GDPD2: variants seen among roughly 807,000 people sequenced by gnomAD.
GDPD2 encodes glycerophosphodiester phosphodiesterase domain containing 2.
GDPD2 carries 23 observed loss-of-function variants against 49.2 expected under a neutral mutation model. That is an observed-to-expected ratio of 0.47 (90% CI 0.34 to 0.66). GDPD2 has a LOEUF of 0.66. Ranked by LOEUF, GDPD2 falls within the 30% of genes least tolerant of loss-of-function variation. GDPD2 has a pLI of 0.01. For synonymous variants in GDPD2, 167 were observed against 171.4 expected (o/e 0.97, Z 0.20); for missense variants, 338 against 424.7 (o/e 0.80, Z 1.79).
intron 10 of GDPD2, among the ~76,000 whole-genome samples, chrX:70,428,101 ACACACAC>A (rs774363698): frequency 3.8e-5 from 1 of 26,150 alleles, no homozygotes; most frequent in Non-Finnish European, 2.1e-4. Context: ...ATACACACAC[ACACACAC>A]ACACACACAC....
At position 70,429,503 on chromosome X, in the gene GDPD2, T is replaced by C; in HGVS notation, c.947T>C (p.Phe316Ser). The C allele has an allele frequency of 8.3e-7, 1 of 1,200,142 alleles. No homozygotes were observed. Residue 316 changes from phenylalanine to serine, a missense_variant, in exon 11 of 16, where the codon TTC becomes TCC. Phe to Ser is a radical substitution (Grantham distance 155). Transcript: ENST00000374382. ...TGTTCTTTCTTATAGAGGCGACCCT[T>C]CTGGGGGGCCAAACCGCTGGCAGGC... The part of the protein sequence containing the change: ...AGSWFLERRP[F>S]WGAKPLAGPD...
Position 70,425,688 on chromosome X carries a change from A to G in GDPD2, c.210-75A>G, listed in dbSNP as rs2086415045. On this transcript the variant is annotated intron_variant, in intron 3 of 15. Transcript: ENST00000374382. ...ACTCCCTTCTAGTCTTCCTGGATCC[A>G]CCCACCCCACCTCCCCTCAGGCCAC... 7.0e-5 allele frequency: 42 copies of G among 596,993 alleles called. No homozygotes were observed. The South Asian group carries it at 9.6e-4, about 14-fold the overall frequency. 49.2% of individuals were successfully genotyped at this position (596,993 alleles called of 1,213,427 possible). A position where few individuals can be genotyped will look rare whatever the true frequency, so the allele number is the denominator to read the frequency against.
rs144605417 is a variant in GDPD2 at position 70,431,040 on chromosome X, G to A, written c.1307+977G>A. On this transcript the variant is annotated intron_variant, in intron 12 of 15. Coordinates refer to ENST00000374382, the MANE Select transcript of GDPD2 (RefSeq NM_017711.4). The stretch of plus-strand genomic sequence containing the variant: ...TGGCCTCAAGCAATCTTCCTGCCTC[G>A]GCCTCCCAAAGTGCTGGGATTACAG... 3,249 of 820,271 alleles carry A rather than the reference G, an allele frequency of 4.0e-3. 63 individuals are homozygous for A. In the African/African-American group the frequency reaches 0.054, roughly 14 times the overall value. 67.6% of individuals were successfully genotyped at this position (820,271 alleles called of 1,213,427 possible). A position where few individuals can be genotyped will look rare whatever the true frequency, so the allele number is the denominator to read the frequency against.
At chrX:70,426,311 C>T (rs770846352) in intron 5 of GDPD2, 60 bp from the exon 6 acceptor site, 5 of 991,896 alleles carry the variant, frequency 5.0e-6, no homozygotes, top group South Asian at 2.0e-5. Context: ...AGTGAAGGAG[C>T]AGCTCACCAA....
chrX:70,431,798 G>A (rs1242288086), intron 12 of GDPD2, among the ~76,000 whole-genome samples: 1 of 111,847 alleles, frequency 8.9e-6, no homozygotes. Context: ...GCTGAGCCTA[G>A]GAGGTCAAGC....
intron 1 of GDPD2, among the ~76,000 whole-genome samples, chrX:70,423,879 T>A (rs866708966): frequency 1.1e-4 from 12 of 111,228 alleles, no homozygotes; most frequent in African/African-American, 3.9e-4. Context: ...GGACAAGAGG[T>A]CCTGTCCCTC....
In GDPD2 at chrX:70,429,663, T is replaced by C; in HGVS notation, c.1107T>C (p.Phe369=). ...AGAACCACACATACTATGACACTTT[T>C]GTGATCCAGACATTGGAGACTGTGC... ...PPQNHTYYDT[F]VIQTLETVLN... is the part of the protein sequence containing the mutation. Residue 369 remains phenylalanine (F), a synonymous_variant, in exon 11 of 16, where the codon TTT becomes TTC. Transcript: ENST00000374382. 8.3e-7 allele frequency: 1 copy of C among 1,210,429 alleles called. No homozygotes were observed. Among genetic ancestry groups the C allele is most frequent in the Non-Finnish European group, 1.1e-6 (1 of 894,662 alleles).
intron 12 of GDPD2, chrX:70,431,211 T>A: frequency 1.5e-6 from 1 of 665,064 alleles, no homozygotes; most frequent in Non-Finnish European, 2.3e-6. Context: ...TCCTGGTCAA[T>A]ATCAGCTGCT....
intron 10 of GDPD2, among the ~76,000 whole-genome samples, chrX:70,428,233 TG>T (rs2086444606): frequency 8.9e-6 from 1 of 111,783 alleles, no homozygotes; most frequent in South Asian, 3.8e-4. Flanking sequence ...ATACAACAAT[TG>T]TTTTTCATTT....
rs760774070 is a variant in GDPD2 at position 70,426,893 on chromosome X, T to A, written c.584T>A (p.Phe195Tyr). 7.4e-6 allele frequency: 9 copies of A among 1,209,656 alleles called. No homozygotes were observed. Among genetic ancestry groups the A allele is most frequent in the Non-Finnish European group, 7.8e-6 (7 of 893,849 alleles). ...RGPKILLLLL[F>Y]FGVVLVIYLA... ...CCCAAGATTCTGCTACTGCTCCTAT[T>A]TTTTGGAGTTGTCCTGGTCATCTAC... The change falls in exon 8 of 16, where the codon TTT (phenylalanine) becomes TAT (tyrosine). Residue 195 changes from phenylalanine (F) to tyrosine (Y), a missense_variant. Physicochemically the swap from Phe to Tyr is conservative, Grantham distance 22. Coordinates refer to ENST00000374382, the MANE Select transcript of GDPD2 (RefSeq NM_017711.4).
In GDPD2 at chrX:70,427,246, C is replaced by G. The variant is rs370287224; in HGVS notation, c.785+27C>G. 5.9e-6 allele frequency: 7 copies of G among 1,196,195 alleles called. No homozygotes were observed. The Admixed American group carries it at 1.1e-4, about 19-fold the overall frequency. On this transcript the variant is annotated intron_variant, in intron 9 of 15. Coordinates refer to ENST00000374382, the MANE Select transcript of GDPD2 (RefSeq NM_017711.4). ...TGAGGGAAGCTGGGGCTTAGGGGAT[C>G]TGGGGGGCTGAAGGACATGATGACC...
At chrX:70,426,161 C>T (rs756547182) in intron 5 of GDPD2, 50 bp downstream of exon 5, 5 of 1,045,003 alleles carry the variant, frequency 4.8e-6, no homozygotes, top group African/African-American at 1.8e-5. Flanking sequence ...GGGCTCAGCA[C>T]TTGGCTGGCT....
In GDPD2 at chrX:70,426,679, C is replaced by T; in HGVS notation, c.494C>T (p.Ala165Val). Residue 165 changes from alanine to valine, a missense_variant, in exon 7 of 16, where the codon GCC becomes GTC. By Grantham distance (64) the Ala-to-Val change is moderately conservative (BLOSUM62 0). Around this residue, in one of 3 missense-constraint regions of GDPD2, gnomAD observed 253 missense variants for 330.4 expected, o/e 0.77. Transcript: ENST00000374382. ...GCCCCATTCCTTCATATTGGAGCAG[C>T]CGCTGGAATTGCCCTCCTGGCCTGG... ...ATAPFLHIGA[A>V]AGIALLAWPV... 8.3e-7 allele frequency: 1 copy of T among 1,209,152 alleles called. No homozygotes were observed. The highest frequency in any genetic ancestry group is 1.1e-6 in the Non-Finnish European group (1 of 893,407).
At chrX:70,424,673 G>A (rs1302242099) in intron 1 of GDPD2, among the ~76,000 whole-genome samples, 1 of 112,614 alleles carries the variant, frequency 8.9e-6, no homozygotes, top group African/African-American at 3.2e-5. Context: ...ATGGGGAGGA[G>A]CTGGAGAGAG....
intron 2 of GDPD2, 27 bp from the exon 3 acceptor site, chrX:70,425,325 TTG>T (rs769677844): frequency 1.3e-5 from 13 of 1,008,592 alleles, no homozygotes; most frequent in Non-Finnish European, 1.8e-5. Flanking sequence ...TAGGTATTGG[TTG>T]TGAGTTTCTC....
In GDPD2 at chrX:70,433,108, C is replaced by A. The variant is rs760670314; in HGVS notation, c.*22C>A. 8.7e-7 allele frequency: 1 copy of A among 1,143,235 alleles called. No individual in the cohort carries two copies. The highest frequency in any genetic ancestry group is 1.9e-5 in the South Asian group (1 of 54,006). The allele number at this position is 1,143,235 out of a possible 1,213,427, so 94.2% of individuals were successfully genotyped here. On this transcript the variant is annotated 3_prime_UTR_variant, in exon 16 of 16. Transcript: ENST00000374382. ...GTGAATGCCCTGCCCTGCTTCCCCA[C>A]CCAAGCCAGTCTACATTGCCCAAAC...
Position 70,432,331 on chromosome X carries a change from G to A in GDPD2, c.1332G>A (p.Ser444=), listed in dbSNP as rs750768087. 44 of 1,205,648 alleles carry A rather than the reference G, an allele frequency of 3.6e-5. No individual in the cohort carries two copies. The highest frequency in any genetic ancestry group is 2.3e-4 in the Middle Eastern group (1 of 4,356). The change falls in exon 13 of 16, where the codon TCG becomes TCA. Residue 444 remains serine, a synonymous_variant. Coordinates refer to ENST00000374382, the MANE Select transcript of GDPD2 (RefSeq NM_017711.4). ...GGGCATTGCATAAGGATAATGTCTC[G>A]GTGAACCTATTTGTAGTGAACAAGC... ...DIKALHKDNV[S]VNLFVVNKPW...
intron 4 of GDPD2, 28 bp downstream of exon 4, chrX:70,425,884 C>T (rs2086418686): frequency 6.2e-6 from 6 of 960,342 alleles, no homozygotes; most frequent in African/African-American, 5.6e-5. Context: ...TGGCCTAACC[C>T]CACCTCAGCC....
chrX:70,425,061 G>T lies in GDPD2; in HGVS notation c.77G>T (p.Cys26Phe). 8.4e-7 allele frequency: 1 copy of T among 1,195,860 alleles called. No individual in the cohort carries two copies. Among genetic ancestry groups the T allele is most frequent in the Middle Eastern group, 2.3e-4 (1 of 4,326 alleles). ...HCLYSCHWRK[C>F]PRERMQTSKC... ...CTGTATAGCTGCCACTGGAGGAAAT[G>T]CCCCAGAGAGAGGATGCAAACCAGC... is the stretch of plus-strand genomic sequence containing the variant. Residue 26 changes from cysteine to phenylalanine, a missense_variant, in exon 2 of 16, where the codon TGC (cysteine) becomes TTC (phenylalanine). By Grantham distance (205) the Cys-to-Phe change is radical. Transcript: ENST00000374382.
Sources: gnomAD v4.1 joint callset for allele counts (sites outside exome capture counted in the v4.1 genomes callset) on GRCh38, gnomAD v4.1.1 for gene constraint, gnomAD v4.1.1 regional missense constraint, MANE v1.5 for transcripts, NCBI Gene and HGNC (gene_info 2026-07-23, HGNC 2026-07-21) for gene names.